The following DMD variants were observed in gnomAD, a reference collection of about 807,000 sequenced individuals.
The protein encoded by DMD is dystrophin, also known as mutant dystrophin.
DMD carries 63 observed loss-of-function variants against 330.1 expected under a neutral mutation model. That is an observed-to-expected ratio of 0.19 (90% CI 0.16 to 0.24). DMD has a LOEUF of 0.24. Among genes scored for constraint, DMD ranks in the 10% least tolerant of loss-of-function variants. The probability of loss-of-function intolerance (pLI) is 1.00; values close to 1 mark genes in which losing one functional copy is unlikely to be tolerated. For synonymous variants in DMD, 1,223 were observed against 959.8 expected (o/e 1.27, Z -5.07); for missense variants, 3,344 against 2,684.1 (o/e 1.25, Z -5.43).
In DMD at chrX:31,206,604, T is replaced by C; in HGVS notation, c.9627A>G (p.Ala3209=). 1 of 1,210,564 alleles carries C rather than the reference T, an allele frequency of 8.3e-7. No individual in the cohort carries two copies. Among genetic ancestry groups the C allele is most frequent in the Non-Finnish European group, 1.1e-6 (1 of 894,511 alleles). The change falls in exon 66 of 79, where the codon GCA becomes GCG. Residue 3209 remains alanine (A), a synonymous_variant. Transcript: ENST00000357033. ...TACATCTGTACTTGTCTTCCAAATG[T>C]GCTTTACACAGGGAAATGATGCCAG... ...FKTGIISLCK[A]HLEDKYRYLF... is the part of the protein sequence containing the mutation.
At chrX:32,900,302 T>C (rs2086121302) in intron 2 of DMD, among the ~76,000 whole-genome samples, 1 of 111,122 alleles carries the variant, frequency 9.0e-6, no homozygotes, top group South Asian at 3.8e-4. Context: ...TTGGGAAGGG[T>C]GGCATGTGGA....
chrX:32,290,955 A>G (rs1313946046), intron 42 of DMD, among the ~76,000 whole-genome samples: 3 of 111,983 alleles, frequency 2.7e-5, no homozygotes, highest in Non-Finnish European at 5.6e-5. Flanking sequence ...GAATTCACGA[A>G]GAAGGTGCAA....
intron 61 of DMD, among the ~76,000 whole-genome samples, chrX:31,347,419 C>T (rs927016186): frequency 2.7e-5 from 3 of 111,411 alleles, no homozygotes; most frequent in African/African-American, 9.8e-5. Flanking sequence ...CTTTCCCAGC[C>T]ACTAGTATCT....
chrX:32,429,531 ATCTATTTTTTTCTATT>A (rs2098229423), intron 29 of DMD, among the ~76,000 whole-genome samples: 1 of 106,192 alleles, frequency 9.4e-6, no homozygotes, highest in Non-Finnish European at 1.9e-5. Context: ...TTTTTCTACC[ATCTATTTTTTTCTATT>A]TCTATTTTTC....
At chrX:31,143,924 C>A (rs2036382879) in intron 76 of DMD, among the ~76,000 whole-genome samples, 1 of 112,136 alleles carries the variant, frequency 8.9e-6, no homozygotes, top group Non-Finnish European at 1.9e-5. Context: ...ACAGACTTTG[C>A]AAATGCATAC....
At chrX:31,281,118 C>T (rs765239616) in intron 62 of DMD, among the ~76,000 whole-genome samples, 1 of 111,812 alleles carries the variant, frequency 8.9e-6, no homozygotes, top group Non-Finnish European at 1.9e-5. Flanking sequence ...CTGAGTTGAG[C>T]TTAAGAGATG....
At position 32,656,529 on chromosome X, in the gene DMD, T is replaced by G. The variant is rs1417595034; in HGVS notation, c.961-11377A>C. ...TGATATACTCTAATTTTCTAGCAGC[T>G]GAGATTTTACTATAAAAATGTATCT... is the stretch of plus-strand genomic sequence containing the variant. On this transcript the variant is annotated intron_variant, in intron 9 of 78. Transcript: ENST00000357033. 6.2e-5 allele frequency among the ~76,000 whole-genome samples: 7 copies of G among 112,446 alleles called. No individual in the cohort carries two copies. The Admixed American group carries it at 6.6e-4, about 11-fold the overall frequency.
rs548846514 is a variant in DMD at position 31,648,617 on chromosome X, CAAAAAAAAAAAAAAAAAAAAAAAA to C, written c.8027+9349_8027+9372del. Among the ~76,000 whole-genome samples the C allele has an allele frequency of 8.4e-4, 16 of 18,991 alleles. 1 individual carries two copies. Among genetic ancestry groups the C allele is most frequent in the African/African-American group, 9.4e-4 (4 of 4,248 alleles). The allele number at this position is 18,991 out of a possible 115,157, so 16.5% of individuals were successfully genotyped here. A position where few individuals can be genotyped will look rare whatever the true frequency, so the allele number is the denominator to read the frequency against. On this transcript the variant is annotated intron_variant, in intron 54 of 78. Coordinates refer to ENST00000357033, the MANE Select transcript of DMD (RefSeq NM_004006.3). ...TTCCCTACGGGGTGAAAGGGAGCTG[CAAAAAAAAAAAAAAAAAAAAAAAA>C]AAAAAAAAAAAAAAAAAAAAAAATC...
chrX:31,206,481 G>A, intron 66 of DMD, 101 bp downstream of exon 66: 1 of 742,306 alleles, frequency 1.3e-6, no homozygotes, highest in Non-Finnish European at 2.1e-6. Flanking sequence ...CTTACATGAG[G>A]AATCTGCTGT....
intron 55 of DMD, among the ~76,000 whole-genome samples, chrX:31,557,853 C>T (rs754055044): frequency 1.1e-4 from 12 of 109,710 alleles, no homozygotes; most frequent in African/African-American, 3.6e-4. Flanking sequence ...CATACAAATA[C>T]AGATTGGAAA....
chrX:32,001,839 T>G (rs1222310976), intron 44 of DMD, among the ~76,000 whole-genome samples: 1 of 111,653 alleles, frequency 9.0e-6, no homozygotes, highest in Non-Finnish European at 1.9e-5. Flanking sequence ...GCACAAAAGT[T>G]GACAGTGATG....
Position 31,940,967 on chromosome X carries a change from G to A in DMD, c.6615-8740C>T, listed in dbSNP as rs181647519. Among the ~76,000 whole-genome samples the A allele has an allele frequency of 2.7e-5, 3 of 111,457 alleles. No individual in the cohort carries two copies. The East Asian group carries it at 8.5e-4, about 31-fold the overall frequency. ...GCTTTTATAATCCCTATCCCACATCGAATTCAGTTTCTGGGTAAAAATAAA... is the reference window on the plus strand; with the variant it reads ...GCTTTTATAATCCCTATCCCACATCAAATTCAGTTTCTGGGTAAAAATAAA... On this transcript the variant is annotated intron_variant, in intron 45 of 78. Coordinates refer to ENST00000357033, the MANE Select transcript of DMD (RefSeq NM_004006.3).
intron 13 of DMD, among the ~76,000 whole-genome samples, chrX:32,577,119 C>T (rs959517201): frequency 9.0e-6 from 1 of 111,529 alleles, no homozygotes; most frequent in African/African-American, 3.3e-5. Flanking sequence ...ATTAGGGTTA[C>T]TCTAGTCCAA....
intron 1 of DMD, among the ~76,000 whole-genome samples, chrX:33,149,308 T>C (rs2048172270): frequency 9.0e-6 from 1 of 111,377 alleles, no homozygotes; most frequent in African/African-American, 3.3e-5. Context: ...ATCTCTCACA[T>C]GTGCAGTTCA....
chrX:32,663,012 C>A (rs1436134405), intron 9 of DMD, among the ~76,000 whole-genome samples: 1 of 111,908 alleles, frequency 8.9e-6, no homozygotes, highest in African/African-American at 3.2e-5. Context: ...TTAGCGATAT[C>A]ACCTGCCATT....
chrX:32,484,904 A>AG lies in DMD; in HGVS notation c.2803+14dup. 3 of 1,208,376 alleles carry AG rather than the reference A, an allele frequency of 2.5e-6. No homozygotes were observed. Among genetic ancestry groups the AG allele is most frequent in the Non-Finnish European group, 3.4e-6 (3 of 892,877 alleles). On this transcript the variant is annotated intron_variant, in intron 21 of 78. Coordinates refer to ENST00000357033, the MANE Select transcript of DMD (RefSeq NM_004006.3). ...TGGAAAATGTCAAGTTAGCCATTTT[A>AG]GGCTTTTTACTTACTTGTCTGTAGC...
At position 31,627,826 on chromosome X, in the gene DMD, A is replaced by C; in HGVS notation, c.8064T>G (p.His2688Gln). The C allele has an allele frequency of 8.3e-7, 1 of 1,210,487 alleles. No individual in the cohort carries two copies. The highest frequency in any genetic ancestry group is 3.0e-5 in the East Asian group (1 of 33,761). ...CCAGGGGGAACTGTTGCAGTAATCT[A>C]TGAGTTTCTTCCAAAGCAGCCTCTC... ...SEREAALEETHRLLQQFPLDL... is the reference protein window; with the variant it reads ...SEREAALEETQRLLQQFPLDL... Residue 2688 changes from histidine (H) to glutamine (Q), a missense_variant, in exon 55 of 79, where the codon CAT (histidine) becomes CAG (glutamine). By Grantham distance (24) the His-to-Gln change is conservative. Coordinates refer to ENST00000357033, the MANE Select transcript of DMD (RefSeq NM_004006.3).
chrX:31,259,427 G>A (rs763171127), intron 63 of DMD, among the ~76,000 whole-genome samples: 1 of 111,900 alleles, frequency 8.9e-6, no homozygotes, highest in Non-Finnish European at 1.9e-5. Flanking sequence ...TTTGCCAAAA[G>A]ATAAGCATTC....
intron 9 of DMD, among the ~76,000 whole-genome samples, chrX:32,663,166 T>G (rs1296338379): frequency 8.9e-6 from 1 of 111,869 alleles, no homozygotes; most frequent in Non-Finnish European, 1.9e-5. Context: ...GGCTTGCCAA[T>G]GCATTCGATG....
Sources: gnomAD v4.1 joint callset for allele counts (sites outside exome capture counted in the v4.1 genomes callset) on GRCh38, gnomAD v4.1.1 for gene constraint, MANE v1.5 for transcripts, NCBI Gene and HGNC (gene_info 2026-07-23, HGNC 2026-07-21) for gene names.